Variants in LDLRAD4 observed in about 807,000 individuals in gnomAD.
LDLRAD4 encodes the protein low density lipoprotein receptor class A domain containing 4.
A neutral mutation model predicts 17.0 loss-of-function variants in LDLRAD4; 5 were observed. The ratio of observed to expected loss-of-function variants is 0.29; its 90% CI spans 0.15 to 0.62. The LOEUF (loss-of-function observed/expected upper bound fraction) is 0.62. Among genes scored for constraint, LDLRAD4 ranks in the 20% least tolerant of loss-of-function variants. The pLI is 0.84. For missense variants in LDLRAD4, 340 were observed against 424.7 expected (o/e 0.80, Z 1.75); for synonymous variants, 168 against 171.8 (o/e 0.98, Z 0.17).
chr18:13,465,784 TAA>T (rs2146648599), intron 3 of LDLRAD4, among the ~76,000 whole-genome samples: 1 of 152,348 alleles, frequency 6.6e-6, no homozygotes, highest in South Asian at 2.1e-4. Flanking sequence ...TCTTTACTAA[TAA>T]AGTGTTCCTA....
intron 2 of LDLRAD4, among the ~76,000 whole-genome samples, chr18:13,422,638 C>T (rs1236864317): frequency 6.6e-6 from 1 of 152,104 alleles, no homozygotes; most frequent in African/African-American, 2.4e-5. Context: ...TTGGAGGCTG[C>T]AGTGAGCCAC....
At chr18:13,388,006 A>G (rs557015912) in intron 2 of LDLRAD4, among the ~76,000 whole-genome samples, 2 of 152,344 alleles carry the variant, frequency 1.3e-5, no homozygotes, top group South Asian at 2.1e-4. Context: ...ATGATAGGAT[A>G]CACACAATAT....
intron 3 of LDLRAD4, among the ~76,000 whole-genome samples, chr18:13,477,756 G>A (rs1465726147): frequency 6.6e-6 from 1 of 152,280 alleles, no homozygotes; most frequent in East Asian, 1.9e-4. Flanking sequence ...AGCCATGTTC[G>A]CATTTTGGAA....
At chr18:13,445,278 C>T (rs1568163772) in intron 3 of LDLRAD4, among the ~76,000 whole-genome samples, 1 of 152,016 alleles carries the variant, frequency 6.6e-6, no homozygotes, top group Non-Finnish European at 1.5e-5. Context: ...GTGAGTATGC[C>T]AGAGTGTGTG....
At chr18:13,243,403 C>G (rs1327530565) in intron 1 of LDLRAD4, among the ~76,000 whole-genome samples, 1 of 152,134 alleles carries the variant, frequency 6.6e-6, no homozygotes, top group Non-Finnish European at 1.5e-5. Flanking sequence ...TCCACCCATC[C>G]ACCCACCCAC....
intron 1 of LDLRAD4, among the ~76,000 whole-genome samples, chr18:13,338,145 G>A (rs1048016010): frequency 3.9e-5 from 6 of 152,104 alleles, no homozygotes; most frequent in African/African-American, 1.2e-4. Context: ...AGGTAGACAC[G>A]CTCTCTATTC....
At chr18:13,435,605 C>T (rs147483655) in intron 2 of LDLRAD4, among the ~76,000 whole-genome samples, 2 of 152,242 alleles carry the variant, frequency 1.3e-5, no homozygotes, top group African/African-American at 2.4e-5. Context: ...TGCCACTGCA[C>T]TTGGCTAATT....
chr18:13,244,900 C>T (rs1187027848), intron 1 of LDLRAD4, among the ~76,000 whole-genome samples: 10 of 152,198 alleles, frequency 6.6e-5, no homozygotes, highest in Admixed American at 5.9e-4. Context: ...TCATATGCCT[C>T]ATTAGCAATT....
chr18:13,406,024 T>C (rs769704542), intron 2 of LDLRAD4, among the ~76,000 whole-genome samples: 1 of 152,258 alleles, frequency 6.6e-6, no homozygotes, highest in Non-Finnish European at 1.5e-5. Flanking sequence ...AAAACAGCGA[T>C]ATCACATTTC....
chr18:13,506,789 G>A (rs1027696765), intron 3 of LDLRAD4, among the ~76,000 whole-genome samples: 1 of 152,198 alleles, frequency 6.6e-6, no homozygotes, highest in Non-Finnish European at 1.5e-5. Flanking sequence ...CTTTAAATTG[G>A]CATGGTAACC....
At chr18:13,616,866 G>A (rs561072601) in intron 3 of LDLRAD4, among the ~76,000 whole-genome samples, 1 of 152,288 alleles carries the variant, frequency 6.6e-6, no homozygotes, top group African/African-American at 2.4e-5. Context: ...CACAGCCTCT[G>A]AGCATGCCCA....
intron 3 of LDLRAD4, among the ~76,000 whole-genome samples, chr18:13,513,724 G>A (rs3901208): frequency 0.087 from 13,289 of 152,236 alleles, 1,081 homozygotes; most frequent in African/African-American, 0.21. Flanking sequence ...TCATGAGAGC[G>A]TGTTAGAGGT....
At chr18:13,623,478 A>C (rs1029647668) in intron 4 of LDLRAD4, among the ~76,000 whole-genome samples, 1 of 152,188 alleles carries the variant, frequency 6.6e-6, no homozygotes, top group African/African-American at 2.4e-5. Flanking sequence ...TTTTCTGAGT[A>C]ACCTGGAACT....
At chr18:13,544,264 G>A (rs1055610508) in intron 3 of LDLRAD4, among the ~76,000 whole-genome samples, 2 of 152,224 alleles carry the variant, frequency 1.3e-5, no homozygotes, top group African/African-American at 4.8e-5. Flanking sequence ...TGCTGCAGTG[G>A]GCCAGGGACT....
chr18:13,406,483 A>G (rs527851951), intron 2 of LDLRAD4, among the ~76,000 whole-genome samples: 70 of 152,182 alleles, frequency 4.6e-4, no homozygotes, highest in Non-Finnish European at 7.5e-4. Context: ...ACACGAGGAT[A>G]TAGTCAGGAG....
At chr18:13,347,929 C>G (rs190310181) in intron 1 of LDLRAD4, among the ~76,000 whole-genome samples, 1 of 152,188 alleles carries the variant, frequency 6.6e-6, no homozygotes. Flanking sequence ...TCATCAGGTC[C>G]TTTAAGGACT....
intron 3 of LDLRAD4, among the ~76,000 whole-genome samples, chr18:13,442,172 C>T (rs1470083633): frequency 1.3e-5 from 2 of 152,138 alleles, no homozygotes; most frequent in East Asian, 1.9e-4. Flanking sequence ...TATGAAGTAC[C>T]TTCTCTGGTC....
At position 13,224,503 on chromosome 18, in the gene LDLRAD4, G is replaced by C. The variant is rs187651883; in HGVS notation, c.-467+5515G>C. Among the ~76,000 whole-genome samples the C allele has an allele frequency of 5.9e-4, 60 of 100,940 alleles. No homozygotes were observed. The East Asian group carries it at 0.019, about 31-fold the overall frequency. The allele number at this position is 100,940 out of a possible 152,430, so 66.2% of individuals were successfully genotyped here. A position where few individuals can be genotyped will look rare whatever the true frequency, so the allele number is the denominator to read the frequency against. Reference sequence around the variant, plus strand: ...TTTTTTTTTTTTTTTTTTTTGAGACGGAGTCTCGCTCTGTCGCCCAGGCTG... The same window carrying C: ...TTTTTTTTTTTTTTTTTTTTGAGACCGAGTCTCGCTCTGTCGCCCAGGCTG... On this transcript the variant is annotated intron_variant, in intron 1 of 5. Transcript: ENST00000399848.
chr18:13,456,880 G>T (rs2092164593), intron 3 of LDLRAD4, among the ~76,000 whole-genome samples: 1 of 152,176 alleles, frequency 6.6e-6, no homozygotes, highest in African/African-American at 2.4e-5. Flanking sequence ...TAGATTCTGT[G>T]GCTTACAGTG....
Sources: allele counts gnomAD v4.1 joint callset (sites outside exome capture counted in the v4.1 genomes callset), GRCh38; gene constraint gnomAD v4.1.1; transcripts MANE v1.5; gene names NCBI Gene and HGNC (gene_info 2026-07-23, HGNC 2026-07-21).